The following CYB5R4 variants were observed in gnomAD, a reference collection of about 807,000 sequenced individuals.
CYB5R4 encodes N-terminal cytochrome b5 and cytochrome b5 oxidoreductase domain-containing protein.
A neutral mutation model predicts 70.2 loss-of-function variants in CYB5R4; 55 were observed. That is an observed-to-expected ratio of 0.78 (90% CI 0.63 to 0.98). The LOEUF (loss-of-function observed/expected upper bound fraction) is 0.98, where lower values mean the gene tolerates loss of function less well. Among genes scored for constraint, CYB5R4 ranks in the 50% least tolerant of loss-of-function variants. The pLI, the probability that CYB5R4 is intolerant of heterozygous loss-of-function variation, is 0.00. For missense variants in CYB5R4, 562 were observed against 612.6 expected, an observed-to-expected ratio of 0.92 and a Z score of 0.87; for synonymous variants, 197 against 199.5, an observed-to-expected ratio of 0.99 and a Z score of 0.11.
chr6:83,908,076 C>T (rs1310321192), intron 3 of CYB5R4, among the ~76,000 whole-genome samples: 1 of 149,712 alleles, frequency 6.7e-6, no homozygotes, highest in Admixed American at 6.6e-5. Flanking sequence ...AATGGTTGAA[C>T]TAATTTACAG....
At chr6:83,897,152 C>T (rs934297190) in intron 3 of CYB5R4, among the ~76,000 whole-genome samples, 2 of 151,490 alleles carry the variant, frequency 1.3e-5, no homozygotes, top group South Asian at 2.1e-4. Context: ...TGAGTGAGAA[C>T]ATGCGGTGTT....
intron 10 of CYB5R4, among the ~76,000 whole-genome samples, chr6:83,934,309 A>C (rs2099468596): frequency 6.6e-6 from 1 of 152,228 alleles, no homozygotes; most frequent in Middle Eastern, 3.4e-3. Context: ...TATTTTTTAT[A>C]ACATAATGGT....
chr6:83,960,816 C>A lies in CYB5R4; in HGVS notation c.*938C>A, dbSNP rs2099473214. On this transcript the variant is annotated 3_prime_UTR_variant, in exon 16 of 16. Coordinates refer to ENST00000369681, the MANE Select transcript of CYB5R4 (RefSeq NM_016230.4). ...AGCAGGAAGCCCTCTTAGGTTCTTG[C>A]ATGTGGGCAACTTATTTTCTCTTCC... 6.6e-6 allele frequency: 1 copy of A among 152,232 alleles called. No individual in the cohort carries two copies. Among genetic ancestry groups the A allele is most frequent in the Admixed American group, 6.5e-5 (1 of 15,284 alleles). The allele number at this position is 152,232 out of a possible 1,614,324, so 9.4% of individuals were successfully genotyped here.
chr6:83,957,040 A>G (rs1320788231), intron 15 of CYB5R4, among the ~76,000 whole-genome samples: 7 of 151,900 alleles, frequency 4.6e-5, no homozygotes, highest in African/African-American at 1.7e-4. Flanking sequence ...GTCATATTTA[A>G]AATGTATTTT....
At chr6:83,874,373 A>G (rs2099458181) in intron 2 of CYB5R4, among the ~76,000 whole-genome samples, 2 of 151,102 alleles carry the variant, frequency 1.3e-5, no homozygotes, top group African/African-American at 4.9e-5. Context: ...TAAAAAAAAA[A>G]TTATTTTTTT....
intron 3 of CYB5R4, among the ~76,000 whole-genome samples, chr6:83,899,035 G>C (rs554162005): frequency 1.5e-4 from 23 of 152,154 alleles, no homozygotes; most frequent in South Asian, 1.2e-3. Flanking sequence ...GCGTCCCTGT[G>C]TTGTGCCAGT....
In CYB5R4 at chr6:83,959,962, A is replaced by G. The variant is rs992025696; in HGVS notation, c.*84A>G. Reference sequence around the variant, plus strand: ...GTTTTTTAAGAGAACATTTTTGTACATAACAAAAGGTTAACTAGAATCCAG... The same window carrying G: ...GTTTTTTAAGAGAACATTTTTGTACGTAACAAAAGGTTAACTAGAATCCAG... On this transcript the variant is annotated 3_prime_UTR_variant, in exon 16 of 16. Transcript: ENST00000369681. 5.1e-5 allele frequency: 54 copies of G among 1,055,920 alleles called. No homozygotes were observed. Among genetic ancestry groups the G allele is most frequent in the Non-Finnish European group, 6.3e-5 (47 of 744,318 alleles). 65.4% of individuals were successfully genotyped at this position (1,055,920 alleles called of 1,614,324 possible).
chr6:83,926,549 A>G (rs1055534678), intron 10 of CYB5R4, among the ~76,000 whole-genome samples: 1 of 152,020 alleles, frequency 6.6e-6, no homozygotes, highest in Non-Finnish European at 1.5e-5. Context: ...CCTCTTTATA[A>G]AAATACCAGT....
chr6:83,909,693 A>G (rs1045640583), intron 4 of CYB5R4, among the ~76,000 whole-genome samples: 12 of 152,194 alleles, frequency 7.9e-5, no homozygotes, highest in African/African-American at 2.9e-4. Context: ...TGTAAGGCAG[A>G]GAGTTGCCTC....
chr6:83,934,565 A>T lies in CYB5R4; in HGVS notation c.815-30A>T, dbSNP rs773399289. On this transcript the variant is annotated intron_variant, in intron 10 of 15. Transcript: ENST00000369681. ...AGTATTACTTCTTATTACTTTATGT[A>T]TCAATAAGAGAAAATGAATCACTTT... 6 of 1,531,256 alleles carry T rather than the reference A, an allele frequency of 3.9e-6. No homozygotes were observed. The South Asian group carries it at 6.9e-5, about 18-fold the overall frequency. 94.9% of individuals were successfully genotyped at this position (1,531,256 alleles called of 1,614,324 possible).
At chr6:83,860,450 T>G (rs1395771771) in intron 1 of CYB5R4, among the ~76,000 whole-genome samples, 1 of 152,204 alleles carries the variant, frequency 6.6e-6, no homozygotes, top group Non-Finnish European at 1.5e-5. Flanking sequence ...CTTGCTAACT[T>G]CGAAGCAAAT....
chr6:83,927,586 T>C (rs2099467498), intron 10 of CYB5R4, among the ~76,000 whole-genome samples: 1 of 152,172 alleles, frequency 6.6e-6, no homozygotes, highest in East Asian at 1.9e-4. Flanking sequence ...TTACAAAGGA[T>C]ACAGATAAAT....
intron 15 of CYB5R4, among the ~76,000 whole-genome samples, chr6:83,957,555 A>G (rs2099472612): frequency 7.3e-6 from 1 of 137,926 alleles, no homozygotes; most frequent in African/African-American, 2.8e-5. Flanking sequence ...TAGGAGGCGG[A>G]GGTTGGCAAT....
Position 83,921,181 on chromosome 6 carries a change from T to C in CYB5R4, c.658+6T>C. 6.8e-7 allele frequency: 1 copy of C among 1,479,066 alleles called. No individual in the cohort carries two copies. The highest frequency in any genetic ancestry group is 9.1e-7 in the Non-Finnish European group (1 of 1,096,450). The allele number at this position is 1,479,066 out of a possible 1,614,324, so 91.6% of individuals were successfully genotyped here. On this transcript the variant is annotated splice_donor_region_variant and intron_variant, in intron 8 of 15. Coordinates refer to ENST00000369681, the MANE Select transcript of CYB5R4 (RefSeq NM_016230.4). Reference sequence around the variant, plus strand: ...TTTATATCTTATACATATTGGTGAGTACTTTATTATTATTAATGGAAAGAG... The same window carrying C: ...TTTATATCTTATACATATTGGTGAGCACTTTATTATTATTAATGGAAAGAG...
intron 14 of CYB5R4, among the ~76,000 whole-genome samples, chr6:83,941,374 T>C (rs2099469739): frequency 6.6e-6 from 1 of 152,230 alleles, no homozygotes. Context: ...CAATAAGTTA[T>C]CATACTTTCT....
At position 83,966,388 on chromosome 6, in the gene CYB5R4, A is replaced by AAAAAAT. The variant is rs1173946472; in HGVS notation, c.*6522_*6527dup. The AAAAAAT allele has an allele frequency of 6.6e-6, 1 of 152,110 alleles. No individual in the cohort carries two copies. The highest frequency in any genetic ancestry group is 2.4e-5 in the African/African-American group (1 of 41,436). 9.4% of individuals were successfully genotyped at this position (152,110 alleles called of 1,614,324 possible). On this transcript the variant is annotated 3_prime_UTR_variant, in exon 16 of 16. Coordinates refer to ENST00000369681, the MANE Select transcript of CYB5R4 (RefSeq NM_016230.4). ...AGAAAAGAGTAAAAATAAATCTTTA[A>AAAAAAT]AAAAATAAAAATAAAAAGGAGGCCT...
At position 83,894,896 on chromosome 6, in the gene CYB5R4, G is replaced by A. The variant is rs141830423; in HGVS notation, c.330+1274G>A. On this transcript the variant is annotated intron_variant, in intron 3 of 15. Coordinates refer to ENST00000369681, the MANE Select transcript of CYB5R4 (RefSeq NM_016230.4). ...GGAGGGTTGGTCTTTCTGTCTTGAA[G>A]TGTCAAAGGTAGAAGTAAACCCATA... Among the ~76,000 whole-genome samples, 498 of 152,246 alleles carry A rather than the reference G, an allele frequency of 3.3e-3. 2 individuals carry two copies. The highest frequency in any genetic ancestry group is 0.011 in the African/African-American group (464 of 41,542).
intron 2 of CYB5R4, among the ~76,000 whole-genome samples, chr6:83,885,390 C>A (rs1183637994): frequency 1.3e-5 from 2 of 152,254 alleles, no homozygotes; most frequent in East Asian, 3.9e-4. Flanking sequence ...AGTCCCTAGA[C>A]CATATTTTGA....
chr6:83,871,866 TTC>T (rs1157647214), intron 2 of CYB5R4, among the ~76,000 whole-genome samples: 1 of 152,132 alleles, frequency 6.6e-6, no homozygotes, highest in African/African-American at 2.4e-5. Flanking sequence ...TGCTAATTTT[TTC>T]TCTCTTTTTT....
Sources: allele counts gnomAD v4.1 joint callset (sites outside exome capture counted in the v4.1 genomes callset), GRCh38; gene constraint gnomAD v4.1.1; transcripts MANE v1.5; gene names NCBI Gene and HGNC (gene_info 2026-07-23, HGNC 2026-07-21).